The following BCLAF1 variants were observed in gnomAD, a reference collection of about 807,000 sequenced individuals.
The protein encoded by BCLAF1 is BCL2 associated transcription factor 1.
In BCLAF1, 10 loss-of-function variants were observed where a neutral mutation model predicts 99.5. The ratio of observed to expected loss-of-function variants is 0.10; its 90% CI spans 0.06 to 0.17. The LOEUF (loss-of-function observed/expected upper bound fraction) is 0.17, where lower values mean the gene tolerates loss of function less well. BCLAF1 is among the 10% of genes least tolerant of loss of function. The probability of loss-of-function intolerance (pLI) is 1.00; values close to 1 mark genes in which losing one functional copy is unlikely to be tolerated. For synonymous variants in BCLAF1, 255 were observed against 370.9 expected (o/e 0.69, Z 3.59); for missense variants, 636 against 1,105.8 (o/e 0.58, Z 6.02).
At chr6:136,285,175 G>A (rs979559454) in intron 1 of BCLAF1, among the ~76,000 whole-genome samples, 2 of 152,078 alleles carry the variant, frequency 1.3e-5, no homozygotes, top group Non-Finnish European at 2.9e-5. Flanking sequence ...TTTTGCTTGG[G>A]TGAGTCACTC....
chr6:136,285,925 C>T (rs539480618), intron 1 of BCLAF1, among the ~76,000 whole-genome samples: 8 of 152,156 alleles, frequency 5.3e-5, no homozygotes, highest in African/African-American at 1.9e-4. Flanking sequence ...TGGTGAAACC[C>T]CGTCTCTACT....
In BCLAF1 at chr6:136,259,047, T is replaced by A. The variant is rs1201556159; in HGVS notation, c.*2063A>T. On this transcript the variant is annotated 3_prime_UTR_variant, in exon 13 of 13. Coordinates refer to ENST00000531224, the MANE Select transcript of BCLAF1 (RefSeq NM_014739.3). ...AATATCGTAAAGCGTGGAGTTAAGA[T>A]GTGTTTTTAAAAAATATACAGGCTT... The A allele has an allele frequency of 6.6e-6, 1 of 152,320 alleles. No individual in the cohort carries two copies. The highest frequency in any genetic ancestry group is 1.5e-5 in the Non-Finnish European group (1 of 67,898). 9.4% of individuals were successfully genotyped at this position (152,320 alleles called of 1,614,324 possible).
intron 11 of BCLAF1, among the ~76,000 whole-genome samples, chr6:136,263,271 A>G (rs1781266858): frequency 6.6e-6 from 1 of 152,132 alleles, no homozygotes; most frequent in South Asian, 2.1e-4. Context: ...TGGTGGCAGT[A>G]TATGATTACC....
At position 136,258,569 on chromosome 6, in the gene BCLAF1, TAAAC is replaced by T. The variant is rs954767313; in HGVS notation, c.*2537_*2540del. ...ATAAGATGTGTGAAATAGACACAGG[TAAAC>T]AAACAACAGCAGTTATTACTTGTGA... On this transcript the variant is annotated 3_prime_UTR_variant, in exon 13 of 13. Transcript: ENST00000531224. 1.3e-5 allele frequency: 2 copies of T among 152,478 alleles called. No homozygotes were observed. The highest frequency in any genetic ancestry group is 1.3e-4 in the Admixed American group (2 of 15,278). 9.4% of individuals were successfully genotyped at this position (152,478 alleles called of 1,614,324 possible). A position where few individuals can be genotyped will look rare whatever the true frequency, so the allele number is the denominator to read the frequency against.
At chr6:136,279,416 A>C (rs1446744360) in intron 3 of BCLAF1, 2 of 158,156 alleles carry the variant, frequency 1.3e-5, no homozygotes, top group African/African-American at 4.8e-5. Context: ...CAGAAATGAG[A>C]AACTATAAAA....
At chr6:136,280,663 A>G (rs2128486937) in intron 2 of BCLAF1, among the ~76,000 whole-genome samples, 1 of 152,350 alleles carries the variant, frequency 6.6e-6, no homozygotes, top group Non-Finnish European at 1.5e-5. Context: ...ATGGTATCCA[A>G]TGCTATAATT....
chr6:136,288,575 G>A (rs925883323), intron 1 of BCLAF1, among the ~76,000 whole-genome samples: 2 of 152,218 alleles, frequency 1.3e-5, no homozygotes, highest in African/African-American at 4.8e-5. Flanking sequence ...CTGTTGCAGT[G>A]AGGTACAAGT....
rs776581038 is a variant in BCLAF1, at chr6:136,276,307, C to T, written c.1218G>A (p.Glu406=). 6.4e-7 allele frequency: 1 copy of T among 1,568,694 alleles called. No individual in the cohort carries two copies. The highest frequency in any genetic ancestry group is 8.6e-7 in the Non-Finnish European group (1 of 1,159,924). ...DSEGDDTEET[E]DYRQFRKSVL... is the part of the protein sequence containing the mutation. Reference sequence around the variant, plus strand: ...CTGACTTCCTGAACTGTCTATAATCCTCTGTCTCCTCTGTGTCATCCCCTT... The same window carrying T: ...CTGACTTCCTGAACTGTCTATAATCTTCTGTCTCCTCTGTGTCATCCCCTT... The change falls in exon 5 of 13, where the codon GAG becomes GAA. Residue 406 remains glutamate, a synonymous_variant. Transcript: ENST00000531224.
At position 136,259,272 on chromosome 6, in the gene BCLAF1, C is replaced by T. The variant is rs1780690828; in HGVS notation, c.*1838G>A. On this transcript the variant is annotated 3_prime_UTR_variant, in exon 13 of 13. Coordinates refer to ENST00000531224, the MANE Select transcript of BCLAF1 (RefSeq NM_014739.3). ...CCACAGGAATTAAGTAGTTTTATTC[C>T]CACTCCCTATTACATAATTTCTCAG... The T allele has an allele frequency of 6.6e-6, 1 of 151,916 alleles. No individual in the cohort carries two copies. The highest frequency in any genetic ancestry group is 1.5e-5 in the Non-Finnish European group (1 of 67,828). The allele number at this position is 151,916 out of a possible 1,614,324, so 9.4% of individuals were successfully genotyped here. A position where few individuals can be genotyped will look rare whatever the true frequency, so the allele number is the denominator to read the frequency against.
chr6:136,261,415 A>C lies in BCLAF1; in HGVS notation c.2607T>G (p.Phe869Leu), dbSNP rs767020368. 5 of 1,613,876 alleles carry C rather than the reference A, an allele frequency of 3.1e-6. No individual in the cohort carries two copies. The highest frequency in any genetic ancestry group is 1.7e-6 in the Non-Finnish European group (2 of 1,179,882). Residue 869 changes from phenylalanine (F) to leucine (L), a missense_variant, in exon 12 of 13, where the codon TTT becomes TTG. Transcript: ENST00000531224. ...WAKRGRGRGT[F>L]QRGRGRFNFK... is the part of the protein sequence containing the mutation. ...AGTTAAAGCGCCCTCTGCCACGTTG[A>C]AAAGTACCACGACCTCTTCCTCTTT...
In BCLAF1 at chr6:136,269,524, G is replaced by C. The variant is rs1024954914; in HGVS notation, c.2132C>G (p.Ser711Cys). ...TCCACTGGATTCCCTGGAGCCCTTG[G>C]AATCTCCCCGTTCTTTACTTCTTTC... ...RKERSKERGD[S>C]KGSRESSGSR... Residue 711 changes from serine to cysteine, a missense_variant, in exon 9 of 13, where the codon TCC (serine) becomes TGC (cysteine). Around this residue, in one of 9 missense-constraint regions of BCLAF1, gnomAD observed 180 missense variants for 270.0 expected, o/e 0.67. Coordinates refer to ENST00000531224, the MANE Select transcript of BCLAF1 (RefSeq NM_014739.3). 4 of 1,612,360 alleles carry C rather than the reference G, an allele frequency of 2.5e-6. No homozygotes were observed. Among genetic ancestry groups the C allele is most frequent in the African/African-American group, 1.3e-5 (1 of 74,798 alleles).
Position 136,258,197 on chromosome 6 carries a change from T to C in BCLAF1, c.*2913A>G, listed in dbSNP as rs1780574963. The C allele has an allele frequency of 6.6e-6, 1 of 152,130 alleles. No individual in the cohort carries two copies. Among genetic ancestry groups the C allele is most frequent in the African/African-American group, 2.4e-5 (1 of 41,466 alleles). 9.4% of individuals were successfully genotyped at this position (152,130 alleles called of 1,614,324 possible). On this transcript the variant is annotated 3_prime_UTR_variant, in exon 13 of 13. Coordinates refer to ENST00000531224, the MANE Select transcript of BCLAF1 (RefSeq NM_014739.3). The stretch of plus-strand genomic sequence containing the variant: ...AAGTGAATGAAAAGACAATTCTTTT[T>C]ACTTATTTACTAGCTACTATGTTTT...
At chr6:136,272,184 C>T (rs1246145265) in intron 7 of BCLAF1, 105 bp from the exon 8 acceptor site, 1 of 760,398 alleles carries the variant, frequency 1.3e-6, no homozygotes, top group Non-Finnish European at 2.1e-6. Context: ...CTCTCCCAAT[C>T]AACTAATTTA....
At chr6:136,284,686 G>A (rs1429678712) in intron 1 of BCLAF1, among the ~76,000 whole-genome samples, 1 of 152,156 alleles carries the variant, frequency 6.6e-6, no homozygotes, top group African/African-American at 2.4e-5. Context: ...CTTGAGATAA[G>A]TGCCTTACAT....
At chr6:136,269,086 G>A in intron 9 of BCLAF1, 1 of 1,129,960 alleles carries the variant, frequency 8.8e-7, no homozygotes, top group South Asian at 2.0e-5. Flanking sequence ...CTTGTACTCT[G>A]GGTGTTATGA....
At chr6:136,265,955 C>T (rs1044546499) in intron 11 of BCLAF1, among the ~76,000 whole-genome samples, 7 of 152,024 alleles carry the variant, frequency 4.6e-5, no homozygotes, top group Admixed American at 3.3e-4. Context: ...TTTTTCTATA[C>T]ATCAAATGCC....
chr6:136,289,762 C>G lies in BCLAF1; in HGVS notation c.-164G>C, dbSNP rs1274190655. 2.0e-5 allele frequency: 3 copies of G among 152,768 alleles called. No homozygotes were observed. Among genetic ancestry groups the G allele is most frequent in the Non-Finnish European group, 4.4e-5 (3 of 68,108 alleles). The allele number at this position is 152,768 out of a possible 1,614,324, so 9.5% of individuals were successfully genotyped here. A position where few individuals can be genotyped will look rare whatever the true frequency, so the allele number is the denominator to read the frequency against. On this transcript the variant is annotated 5_prime_UTR_variant, in exon 1 of 13. Coordinates refer to ENST00000531224, the MANE Select transcript of BCLAF1 (RefSeq NM_014739.3). Reference sequence around the variant, plus strand: ...GGAATTTATCTCCGTTGCAACCACACAGCGGCCATTTCCCGACTCAAGAAC... The same window carrying G: ...GGAATTTATCTCCGTTGCAACCACAGAGCGGCCATTTCCCGACTCAAGAAC...
At position 136,268,219 on chromosome 6, in the gene BCLAF1, G is replaced by A. The variant is rs780643476; in HGVS notation, c.2340C>T (p.His780=). 27 of 1,571,422 alleles carry A rather than the reference G, an allele frequency of 1.7e-5. No homozygotes were observed. The highest frequency in any genetic ancestry group is 6.1e-5 in the Admixed American group (3 of 49,428). Residue 780 remains histidine (H), a synonymous_variant, in exon 10 of 13, where the codon CAC becomes CAT. Transcript: ENST00000531224. ...KKEREEEFKT[H]HEMKEYSGFA... ...AGCCTGAGTATTCTTTCATTTCATG[G>A]TGAGTTTTAAATTCTTCTTCTCTTT...
intron 8 of BCLAF1, 55 bp from the exon 9 acceptor site, chr6:136,269,667 T>C (rs1421405882): frequency 2.2e-6 from 3 of 1,358,738 alleles, no homozygotes; most frequent in East Asian, 2.5e-5. Context: ...AAAAAATATA[T>C]ATACACATAT....
Sources: allele counts gnomAD v4.1 joint callset (sites outside exome capture counted in the v4.1 genomes callset), GRCh38; gene constraint gnomAD v4.1.1; regional missense constraint gnomAD v4.1.1; transcripts MANE v1.5; gene names NCBI Gene and HGNC (gene_info 2026-07-23, HGNC 2026-07-21).